Variants in NPRL3 observed in about 807,000 individuals in gnomAD.
NPRL3 encodes the protein GATOR1 complex protein NPRL3.
A neutral mutation model predicts 57.2 loss-of-function variants in NPRL3; 23 were observed. The ratio of observed to expected loss-of-function variants is 0.40; its 90% confidence interval spans 0.29 to 0.57. The LOEUF is 0.57. NPRL3 is among the 20% of genes least tolerant of loss of function. The probability of loss-of-function intolerance (pLI) is 0.42; values close to 1 mark genes in which losing one functional copy is unlikely to be tolerated. For synonymous variants in NPRL3, 333 were observed against 321.1 expected (o/e 1.04, Z -0.39); for missense variants, 691 against 767.1 (o/e 0.90, Z 1.17).
At chr16:121,079 C>A (rs1359880670) in intron 3 of NPRL3, among the ~76,000 whole-genome samples, 1 of 152,180 alleles carries the variant, frequency 6.6e-6, no homozygotes, top group African/African-American at 2.4e-5. Flanking sequence ...CCACTAAAAA[C>A]TGCTGCTCTG....
intron 3 of NPRL3, among the ~76,000 whole-genome samples, chr16:119,934 G>C (rs886494250): frequency 6.6e-6 from 1 of 152,208 alleles, no homozygotes; most frequent in African/African-American, 2.4e-5. Flanking sequence ...ACGGAGAAGT[G>C]GGTGCAGCTG....
At chr16:105,577 G>C (rs1899490547) in intron 7 of NPRL3, among the ~76,000 whole-genome samples, 4 of 152,158 alleles carry the variant, frequency 2.6e-5, no homozygotes, top group Admixed American at 2.6e-4. Context: ...GCAAGGCTCC[G>C]CACCAAGTAC....
chr16:88,337 C>T (rs1448415548), intron 13 of NPRL3, among the ~76,000 whole-genome samples: 4 of 148,228 alleles, frequency 2.7e-5, no homozygotes, highest in Admixed American at 1.3e-4. Flanking sequence ...GCCGAGATTG[C>T]GCCACTGCAG....
At chr16:94,036 G>T (rs1234837461) in intron 9 of NPRL3, among the ~76,000 whole-genome samples, 8 of 151,422 alleles carry the variant, frequency 5.3e-5, no homozygotes, top group African/African-American at 1.9e-4. Context: ...GGATGTCCTG[G>T]CAGGGGCACA....
intron 2 of NPRL3, among the ~76,000 whole-genome samples, chr16:137,386 C>A (rs1406004476): frequency 6.6e-6 from 1 of 152,136 alleles, no homozygotes; most frequent in Non-Finnish European, 1.5e-5. Flanking sequence ...GGGAAAAGGG[C>A]GCCACAGAAC....
chr16:93,592 T>C (rs1240593288), intron 9 of NPRL3, among the ~76,000 whole-genome samples: 1 of 144,574 alleles, frequency 6.9e-6, no homozygotes, highest in Non-Finnish European at 1.5e-5. Context: ...TTGGAGACAG[T>C]CTTGCTCTGT....
At chr16:127,994 C>CTTCTTTT (rs144300847) in intron 3 of NPRL3, among the ~76,000 whole-genome samples, 9 of 133,324 alleles carry the variant, frequency 6.8e-5, no homozygotes, top group African/African-American at 9.0e-5. Context: ...CCATCTTCTT[C>CTTCTTTT]TTTTTTTTTT....
At position 109,657 on chromosome 16, in the gene NPRL3, G is replaced by C. The variant is rs80005556; in HGVS notation, c.629+868C>G. On this transcript the variant is annotated intron_variant, in intron 7 of 13. Coordinates refer to ENST00000611875, the MANE Select transcript of NPRL3 (RefSeq NM_001077350.3). ...CTACTCAGCAAAGGGGTTTAAAAAA[G>C]CAAAGGTACTCAGGGGTTTGTACCT... 7.4e-4 allele frequency among the ~76,000 whole-genome samples: 113 copies of C among 152,078 alleles called. 2 individuals are homozygous for C. The East Asian group carries it at 0.021, about 29-fold the overall frequency.
At chr16:100,601 C>G (rs920699365) in intron 7 of NPRL3, 92 bp from the exon 8 acceptor site, 5 of 1,259,422 alleles carry the variant, frequency 4.0e-6, no homozygotes, top group Non-Finnish European at 5.1e-6. Flanking sequence ...GCTGATTCCC[C>G]TGCTGCTTAG....
At chr16:93,070 G>T in intron 10 of NPRL3, 149 bp downstream of exon 10, 1 of 657,614 alleles carries the variant, frequency 1.5e-6, no homozygotes. Context: ...TATGCTAGTG[G>T]CCAGGAGTTA....
chr16:100,258 G>T, intron 8 of NPRL3, 114 bp downstream of exon 8: 1 of 1,134,198 alleles, frequency 8.8e-7, no homozygotes, highest in Non-Finnish European at 1.2e-6. Flanking sequence ...GCAAGCTTCC[G>T]CAGTGGGAAG....
intron 3 of NPRL3, among the ~76,000 whole-genome samples, chr16:128,153 G>A (rs140264442): frequency 3.5e-4 from 53 of 152,176 alleles, no homozygotes; most frequent in African/African-American, 1.0e-3. Flanking sequence ...TCCCATGCCC[G>A]ACAAATTTTT....
chr16:90,642 G>A (rs1167398680), intron 11 of NPRL3: 1 of 152,334 alleles, frequency 6.6e-6, no homozygotes, highest in East Asian at 1.9e-4. Context: ...AGTAAGGAGT[G>A]TGAGACACAT....
At chr16:111,307 G>A (rs548818070) in intron 6 of NPRL3, among the ~76,000 whole-genome samples, 2 of 152,192 alleles carry the variant, frequency 1.3e-5, no homozygotes, top group South Asian at 4.2e-4. Context: ...GGCTGAGGCA[G>A]AAGAATGGCG....
At chr16:121,908 G>T (rs1367645065) in intron 3 of NPRL3, among the ~76,000 whole-genome samples, 4 of 151,562 alleles carry the variant, frequency 2.6e-5, no homozygotes, top group Non-Finnish European at 4.4e-5. Flanking sequence ...CCGAGTAGCT[G>T]CGATTAGAGG....
intron 2 of NPRL3, among the ~76,000 whole-genome samples, chr16:137,045 TAAAAAAAA>T (rs71391116): frequency 1.8e-4 from 12 of 66,096 alleles, no homozygotes; most frequent in African/African-American, 7.1e-4. Context: ...CCATCTCTAC[TAAAAAAAA>T]AAAAAAAAAA....
intron 3 of NPRL3, among the ~76,000 whole-genome samples, chr16:120,794 C>A (rs532167153): frequency 6.6e-6 from 1 of 152,304 alleles, no homozygotes; most frequent in East Asian, 1.9e-4. Flanking sequence ...GTGCCTTACA[C>A]CACAGGCATA....
At chr16:93,122 G>T in intron 10 of NPRL3, 97 bp downstream of exon 10, 1 of 822,646 alleles carries the variant, frequency 1.2e-6, no homozygotes, top group Non-Finnish European at 2.0e-6. Context: ...CACAGCCTTT[G>T]GTGCCTGGCC....
At chr16:89,085 G>A (rs893509136) in intron 12 of NPRL3, 195 bp from the exon 13 acceptor site, 40 of 601,112 alleles carry the variant, frequency 6.7e-5, no homozygotes, top group Admixed American at 5.4e-4. Context: ...CTTGGGAAAC[G>A]GGTAGCCTCC....
Sources: allele counts gnomAD v4.1 joint callset (sites outside exome capture counted in the v4.1 genomes callset), GRCh38; gene constraint gnomAD v4.1.1; transcripts MANE v1.5; gene names NCBI Gene and HGNC (gene_info 2026-07-23, HGNC 2026-07-21).